CAMKK2: variants seen among roughly 807,000 people sequenced by gnomAD.
CAMKK2 encodes the protein calcium/calmodulin-dependent protein kinase kinase 2.
In CAMKK2, 30 loss-of-function variants were observed where a neutral mutation model predicts 67.2. The observed-to-expected ratio is 0.45, with a 90% CI of 0.33 to 0.61. CAMKK2 has a LOEUF of 0.61. Ranked by LOEUF, CAMKK2 falls within the 20% of genes least tolerant of loss-of-function variation. The pLI is 0.02. For synonymous variants in CAMKK2, 322 were observed against 326.2 expected (o/e 0.99, Z 0.14); for missense variants, 643 against 802.0 (o/e 0.80, Z 2.39).
chr12:121,243,041 CT>C (rs571140733), intron 16 of CAMKK2, among the ~76,000 whole-genome samples: 3 of 150,460 alleles, frequency 2.0e-5, no homozygotes, highest in African/African-American at 2.4e-5. Context: ...CGCGCCCAGC[CT>C]TTTTTTTTGA....
At chr12:121,269,381 A>G (rs1895275911) in intron 4 of CAMKK2, 147 bp downstream of exon 4, 4 of 673,624 alleles carry the variant, frequency 5.9e-6, no homozygotes, top group Admixed American at 5.2e-5. Flanking sequence ...AAATGGGCAT[A>G]CCACTTCCTT....
Position 121,240,420 on chromosome 12 carries a change from T to C in CAMKK2, c.*279A>G. The C allele has an allele frequency of 3.3e-6, 5 of 1,517,798 alleles. No homozygotes were observed. Among genetic ancestry groups the C allele is most frequent in the Non-Finnish European group, 4.4e-6 (5 of 1,140,746 alleles). 94.0% of individuals were successfully genotyped at this position (1,517,798 alleles called of 1,614,324 possible). On this transcript the variant is annotated 3_prime_UTR_variant, in exon 17 of 17. Coordinates refer to ENST00000404169, the MANE Select transcript of CAMKK2 (RefSeq NM_001270485.2). This position sits in a 1 kb window ranked among gnomAD's most constrained non-coding sequence, Gnocchi z 4.4. ...AAGGATTTTTGGCATAAAAACGTTT[T>C]AAAAAGCAATTGTCCCAAAATGCAC...
At chr12:121,243,640 A>G (rs1469169954) in intron 16 of CAMKK2, 1 of 171,954 alleles carries the variant, frequency 5.8e-6, no homozygotes, top group African/African-American at 2.4e-5. Context: ...ATCCATACCT[A>G]TTCTGAGTGG....
intron 11 of CAMKK2, among the ~76,000 whole-genome samples, chr12:121,251,826 C>CAAAAAA (rs35539013): frequency 2.3e-5 from 2 of 85,696 alleles, no homozygotes; most frequent in Non-Finnish European, 2.3e-5. Context: ...GACTCCATCT[C>CAAAAAA]AAAAAAAAAA....
chr12:121,292,004 C>T lies in CAMKK2; in HGVS notation c.-60+4634G>A, dbSNP rs190909381. Among the ~76,000 whole-genome samples the T allele has an allele frequency of 5.5e-3, 826 of 151,436 alleles. 9 individuals carry two copies. Among genetic ancestry groups the T allele is most frequent in the African/African-American group, 0.019 (784 of 41,288 alleles). On this transcript the variant is annotated intron_variant, in intron 1 of 16. Coordinates refer to ENST00000404169, the MANE Select transcript of CAMKK2 (RefSeq NM_001270485.2). The stretch of plus-strand genomic sequence containing the variant: ...CCAGGAGCTGGAGGTTGCAGTGAGC[C>T]GAGATCACGCCACTGCACTCCAGCC...
intron 9 of CAMKK2, among the ~76,000 whole-genome samples, chr12:121,255,068 C>T (rs1231471066): frequency 6.7e-6 from 1 of 148,184 alleles, no homozygotes; most frequent in Non-Finnish European, 1.5e-5. Context: ...TTCCTGCCCT[C>T]AAACGTCAGA....
intron 11 of CAMKK2, 68 bp downstream of exon 11, chr12:121,252,593 C>T (rs1176353609): frequency 1.3e-5 from 19 of 1,453,198 alleles, no homozygotes; most frequent in Non-Finnish European, 1.6e-5. Context: ...ACTGTCTCCC[C>T]GCAAGGGTGA....
intron 1 of CAMKK2, among the ~76,000 whole-genome samples, chr12:121,288,014 G>A (rs1593505089): frequency 6.6e-6 from 1 of 152,136 alleles, no homozygotes; most frequent in African/African-American, 2.4e-5. Flanking sequence ...AATAAAACCA[G>A]GTGTGCATGG....
At chr12:121,261,813 T>C (rs1893517013) in intron 6 of CAMKK2, among the ~76,000 whole-genome samples, 1 of 152,180 alleles carries the variant, frequency 6.6e-6, no homozygotes, top group South Asian at 2.1e-4. Flanking sequence ...ATCTCAAACA[T>C]CACTTCCTCT....
chr12:121,256,435 G>A (rs1566063949), intron 7 of CAMKK2, among the ~76,000 whole-genome samples: 1 of 152,114 alleles, frequency 6.6e-6, no homozygotes, highest in South Asian at 2.1e-4. Context: ...ATTTTAAAGC[G>A]TGCAATTGAG....
intron 6 of CAMKK2, among the ~76,000 whole-genome samples, chr12:121,260,903 C>T (rs756417192): frequency 6.1e-4 from 91 of 149,158 alleles, no homozygotes; most frequent in Middle Eastern, 3.4e-3. Flanking sequence ...CAGTGAGCCA[C>T]GATCACGCCA....
intron 13 of CAMKK2, among the ~76,000 whole-genome samples, chr12:121,249,096 C>T (rs1376910259): frequency 1.3e-5 from 2 of 152,374 alleles, no homozygotes; most frequent in Non-Finnish European, 2.9e-5. Flanking sequence ...AGGCAGCATT[C>T]TCCCCATCTC....
rs1374796518 is a variant in CAMKK2 at position 121,238,896 on chromosome 12, T to TA, written c.*1802_*1803insT. Reference sequence around the variant, plus strand: ...CAGAAGGGGTGGAGCTATTGAGTCCTCTCCCCATAAACATAAAGCCAGGAG... The same window carrying TA: ...CAGAAGGGGTGGAGCTATTGAGTCCTACTCCCCATAAACATAAAGCCAGGAG... On this transcript the variant is annotated 3_prime_UTR_variant, in exon 17 of 17. Transcript: ENST00000404169. The TA allele has an allele frequency of 6.6e-6, 1 of 152,562 alleles. No homozygotes were observed. 9.5% of individuals were successfully genotyped at this position (152,562 alleles called of 1,614,324 possible).
chr12:121,251,401 A>G (rs185418823), intron 11 of CAMKK2, among the ~76,000 whole-genome samples: 1 of 152,312 alleles, frequency 6.6e-6, no homozygotes, highest in African/African-American at 2.4e-5. Flanking sequence ...TTGAGAGGCA[A>G]TCGGTATAAA....
In CAMKK2 at chr12:121,240,754, C is replaced by A. The variant is rs866150487; in HGVS notation, c.1712G>T (p.Gly571Val). ...CAGTGGATGCATGCGTGCGGGGGAG[C>A]CGGGGGCGGGGGCCCAGCAACTTTC... ...CVESCWAPAP[G>V]SPARMHPLRP... The change falls in exon 17 of 17, where the codon GGC (glycine) becomes GTC (valine). Residue 571 changes from glycine (G) to valine (V), a missense_variant. Physicochemically the swap from Gly to Val is moderately radical, Grantham distance 109. Transcript: ENST00000404169. The surrounding 1 kb of genome is among the most constrained non-coding windows in gnomAD (Gnocchi z 4.4). The A allele has an allele frequency of 4.4e-6, 7 of 1,608,824 alleles. No homozygotes were observed. Among genetic ancestry groups the A allele is most frequent in the Admixed American group, 3.4e-5 (2 of 58,764 alleles).
intron 16 of CAMKK2, chr12:121,244,216 C>A: frequency 6.9e-7 from 1 of 1,445,386 alleles, no homozygotes; most frequent in Non-Finnish European, 9.5e-7. Context: ...TATGTGCTGA[C>A]CATGCGGACT....
chr12:121,293,987 C>T (rs921797798), intron 1 of CAMKK2, among the ~76,000 whole-genome samples: 1 of 152,092 alleles, frequency 6.6e-6, no homozygotes, highest in African/African-American at 2.4e-5. Context: ...CGCTGGAGTG[C>T]AATGGCACGA....
In CAMKK2 at chr12:121,263,897, C is replaced by T. The variant is rs747269519; in HGVS notation, c.668G>A (p.Cys223Tyr). Residue 223 changes from cysteine to tyrosine, a missense_variant, in exon 6 of 17, where the codon TGC (cysteine) becomes TAC (tyrosine). Physicochemically the swap from Cys to Tyr is radical, Grantham distance 194. This residue lies in a region of CAMKK2 where 483 missense variants were observed against 625.8 expected (regional missense o/e 0.77). Coordinates refer to ENST00000404169, the MANE Select transcript of CAMKK2 (RefSeq NM_001270485.2). Reference sequence around the variant, plus strand: ...CTCAATGGGGCCCCTGGGCTGGATGCAGCCTCCAGGAGCTGGCCGGGTGCC... The same window carrying T: ...CTCAATGGGGCCCCTGGGCTGGATGTAGCCTCCAGGAGCTGGCCGGGTGCC... ...PRGTRPAPGG[C>Y]IQPRGPIEQV... 2 of 1,608,922 alleles carry T rather than the reference C, an allele frequency of 1.2e-6. No homozygotes were observed. The highest frequency in any genetic ancestry group is 2.2e-5 in the East Asian group (1 of 44,790).
intron 1 of CAMKK2, among the ~76,000 whole-genome samples, chr12:121,294,335 A>G (rs1900712140): frequency 6.6e-6 from 1 of 152,158 alleles, no homozygotes; most frequent in Non-Finnish European, 1.5e-5. Context: ...GCTTAGCATC[A>G]TTTTGACAAC....
Sources: gnomAD v4.1 joint callset for allele counts (sites outside exome capture counted in the v4.1 genomes callset) on GRCh38, gnomAD v4.1.1 for gene constraint, gnomAD v4.1.1 regional missense constraint, Gnocchi (gnomAD v3.1) non-coding constraint, MANE v1.5 for transcripts, NCBI Gene and HGNC (gene_info 2026-07-23, HGNC 2026-07-21) for gene names.